ME3: variants seen among roughly 807,000 people sequenced by gnomAD.
ME3 encodes malic enzyme 3.
ME3 carries 48 observed loss-of-function variants against 68.9 expected under a neutral mutation model. The ratio of observed to expected loss-of-function variants is 0.70; its 90% CI spans 0.55 to 0.89. The LOEUF is 0.89. ME3 is among the 40% of genes least tolerant of loss of function. ME3 has a pLI of 0.00. For synonymous variants in ME3, 320 were observed against 318.8 expected, an observed-to-expected ratio of 1.00 and a Z score of -0.04; for missense variants, 675 against 797.4, an observed-to-expected ratio of 0.85 and a Z score of 1.85.
rs781228358 is a variant in ME3, at chr11:86,646,005, G to A, written c.183+25757C>T. Among the ~76,000 whole-genome samples, 20 of 152,234 alleles carry A rather than the reference G, an allele frequency of 1.3e-4. No individual in the cohort carries two copies. In the Middle Eastern group the frequency reaches 0.01, roughly 78 times the overall value. On this transcript the variant is annotated intron_variant, in intron 2 of 14. Coordinates refer to ENST00000543262, the Ensembl canonical transcript of ME3. ...CTTACAAACAGGAAGCAATAGCATCGACATCAACAAAAAGAACGAACGCTC... is the reference window on the plus strand; with the variant it reads ...CTTACAAACAGGAAGCAATAGCATCAACATCAACAAAAAGAACGAACGCTC...
chr11:86,560,744 GTGTGTATATATATATA>G (rs1238604143), intron 2 of ME3, among the ~76,000 whole-genome samples: 7 of 66,918 alleles, frequency 1.0e-4, no homozygotes, highest in African/African-American at 3.2e-4. Flanking sequence ...GTGTGTGTGT[GTGTGTATATATATATA>G]TATATATATA....
chr11:86,497,930 G>A (rs759219563), intron 6 of ME3, 33 bp downstream of exon 6: 2 of 1,542,750 alleles, frequency 1.3e-6, no homozygotes, highest in Non-Finnish European at 1.8e-6. Context: ...CCACCTTTTG[G>A]CCCCAGAGCT....
At chr11:86,655,516 A>C (rs1167287735) in intron 2 of ME3, among the ~76,000 whole-genome samples, 2 of 152,152 alleles carry the variant, frequency 1.3e-5, no homozygotes, top group African/African-American at 2.4e-5. Context: ...CCTATTTAAT[A>C]AATGGTGCTG....
intron 4 of ME3, among the ~76,000 whole-genome samples, chr11:86,540,953 G>A (rs1956007500): frequency 6.6e-6 from 1 of 152,200 alleles, no homozygotes; most frequent in African/African-American, 2.4e-5. Flanking sequence ...TCATCTCATT[G>A]GGATTGGTTA....
intron 2 of ME3, among the ~76,000 whole-genome samples, chr11:86,596,920 C>A (rs1173680028): frequency 2.0e-5 from 3 of 152,118 alleles, no homozygotes; most frequent in African/African-American, 7.2e-5. Flanking sequence ...CAAAGTGGAC[C>A]AGGTTGTGGA....
chr11:86,451,451 G>A (rs574362385), intron 8 of ME3, among the ~76,000 whole-genome samples: 2 of 152,302 alleles, frequency 1.3e-5, no homozygotes, highest in East Asian at 1.9e-4. Context: ...AGTCACCCAG[G>A]GTTTGCTTAA....
chr11:86,602,018 G>A (rs1457275871), intron 2 of ME3, among the ~76,000 whole-genome samples: 176 of 148,498 alleles, frequency 1.2e-3, no homozygotes, highest in African/African-American at 4.1e-3. Context: ...GCAAAAACTG[G>A]AAGCATTCCC....
chr11:86,577,981 T>C (rs1175492594), intron 2 of ME3, among the ~76,000 whole-genome samples: 2 of 152,230 alleles, frequency 1.3e-5, no homozygotes, highest in Non-Finnish European at 2.9e-5. Flanking sequence ...GATTAGTTTT[T>C]GCGAAGTTGT....
intron 6 of ME3, among the ~76,000 whole-genome samples, chr11:86,490,962 C>A (rs1192498219): frequency 6.6e-6 from 1 of 152,070 alleles, no homozygotes; most frequent in African/African-American, 2.4e-5. Context: ...CAAAGGTCAA[C>A]CATAATGAGA....
At chr11:86,508,830 C>T (rs774059118) in exon 5 of ME3, 22 of 1,613,568 alleles carry the variant, frequency 1.4e-5, no homozygotes, top group Non-Finnish European at 1.8e-5. Context: ...AGCATTGTTG[C>T]AAGATGACCT....
chr11:86,567,192 G>A (rs570062791), intron 2 of ME3, among the ~76,000 whole-genome samples: 6 of 151,334 alleles, frequency 4.0e-5, no homozygotes, highest in African/African-American at 1.5e-4. Context: ...ACTCCAGCCT[G>A]GGCAACAAGA....
intron 2 of ME3, among the ~76,000 whole-genome samples, chr11:86,630,630 G>A (rs1303247197): frequency 1.3e-5 from 2 of 152,242 alleles, no homozygotes. Flanking sequence ...GAAATCAAAA[G>A]GATGAAGCAG....
At chr11:86,482,001 C>T (rs1171401606) in intron 7 of ME3, among the ~76,000 whole-genome samples, 1 of 152,214 alleles carries the variant, frequency 6.6e-6, no homozygotes, top group Admixed American at 6.5e-5. Flanking sequence ...CCTTGCCATT[C>T]TTACCAACAA....
At chr11:86,629,060 C>G (rs184985469) in intron 2 of ME3, among the ~76,000 whole-genome samples, 1 of 152,210 alleles carries the variant, frequency 6.6e-6, no homozygotes, top group African/African-American at 2.4e-5. Flanking sequence ...GAGCTACATG[C>G]GTGCCCCTTG....
At chr11:86,482,024 G>T (rs1481833117) in intron 7 of ME3, among the ~76,000 whole-genome samples, 2 of 152,190 alleles carry the variant, frequency 1.3e-5, no homozygotes, top group Non-Finnish European at 2.9e-5. Context: ...TCCTAGTCTA[G>T]TCCTAAAATT....
At chr11:86,610,436 A>G (rs1307399132) in intron 2 of ME3, among the ~76,000 whole-genome samples, 2 of 152,152 alleles carry the variant, frequency 1.3e-5, no homozygotes, top group African/African-American at 2.4e-5. Flanking sequence ...TTGAGCCTAG[A>G]TATTATGGGG....
intron 2 of ME3, among the ~76,000 whole-genome samples, chr11:86,595,888 C>T (rs543138307): frequency 4.0e-4 from 61 of 152,290 alleles, no homozygotes; most frequent in African/African-American, 1.4e-3. Flanking sequence ...TGGGTGGGCC[C>T]CTCACCATAC....
chr11:86,650,023 C>T (rs1325526297), intron 2 of ME3, among the ~76,000 whole-genome samples: 1 of 152,034 alleles, frequency 6.6e-6, no homozygotes, highest in East Asian at 1.9e-4. Context: ...AAAAAGAACA[C>T]AGTTGGAGGC....
At chr11:86,604,868 A>C (rs1405958465) in intron 2 of ME3, among the ~76,000 whole-genome samples, 1 of 152,212 alleles carries the variant, frequency 6.6e-6, no homozygotes, top group Non-Finnish European at 1.5e-5. Flanking sequence ...TTTTAATTTA[A>C]AATTAACCAT....
Sources: allele counts gnomAD v4.1 joint callset (sites outside exome capture counted in the v4.1 genomes callset), GRCh38; gene constraint gnomAD v4.1.1; transcripts MANE v1.5; gene names NCBI Gene and HGNC (gene_info 2026-07-23, HGNC 2026-07-21).